PXDNL: variants seen among roughly 807,000 people sequenced by gnomAD.
PXDNL encodes the protein peroxidasin like.
A neutral mutation model predicts 150.8 loss-of-function variants in PXDNL; 145 were observed. That is an observed-to-expected ratio of 0.96 (90% confidence interval 0.84 to 1.10). PXDNL has a LOEUF of 1.10. Ranked by LOEUF, PXDNL falls within the 50% of genes least tolerant of loss-of-function variation. The pLI is 0.00. For missense variants in PXDNL, 2,087 were observed against 1,873.9 expected, an observed-to-expected ratio of 1.11 and a Z score of -2.10; for synonymous variants, 757 against 725.7, an observed-to-expected ratio of 1.04 and a Z score of -0.69.
intron 5 of PXDNL, among the ~76,000 whole-genome samples, chr8:51,491,596 C>A (rs551844634): frequency 6.6e-6 from 1 of 152,214 alleles, no homozygotes. Flanking sequence ...GCAAACCCCA[C>A]CACCACTGCC....
chr8:51,349,136 G>A (rs1252878315), intron 19 of PXDNL, among the ~76,000 whole-genome samples: 1 of 148,788 alleles, frequency 6.7e-6, no homozygotes, highest in African/African-American at 2.5e-5. Context: ...CAGATAACTC[G>A]TGTTCAAGAG....
In PXDNL at chr8:51,319,659, T is replaced by C. The variant is rs1239347529; in HGVS notation, c.*232A>G. The C allele has an allele frequency of 3.5e-6, 1 of 285,784 alleles. No homozygotes were observed. The allele number at this position is 285,784 out of a possible 1,614,324, so 17.7% of individuals were successfully genotyped here. A position where few individuals can be genotyped will look rare whatever the true frequency, so the allele number is the denominator to read the frequency against. ...ACAGCTTACAGTAAGAAATATTTCT[T>C]ATGATCAAACACTTCATATGCACTT... On this transcript the variant is annotated 3_prime_UTR_variant, in exon 23 of 23. Coordinates refer to ENST00000356297, the MANE Select transcript of PXDNL (RefSeq NM_144651.5).
chr8:51,806,039 C>T (rs1051794765), intron 1 of PXDNL, among the ~76,000 whole-genome samples: 5 of 152,162 alleles, frequency 3.3e-5, no homozygotes, highest in African/African-American at 1.2e-4. Context: ...TCAATGGCAG[C>T]AGGCTTTTTG....
chr8:51,600,547 A>C (rs1813686062), intron 2 of PXDNL, among the ~76,000 whole-genome samples: 1 of 134,364 alleles, frequency 7.4e-6, no homozygotes, highest in Admixed American at 7.7e-5. Context: ...AATAAATTAT[A>C]TCTTATATAA....
chr8:51,781,448 G>A (rs1563319707), intron 1 of PXDNL, among the ~76,000 whole-genome samples: 1 of 152,172 alleles, frequency 6.6e-6, no homozygotes, highest in Non-Finnish European at 1.5e-5. Flanking sequence ...CATCAGCTGG[G>A]ACTTCACAAT....
chr8:51,523,450 T>C (rs776522758), intron 4 of PXDNL, among the ~76,000 whole-genome samples: 2 of 152,226 alleles, frequency 1.3e-5, no homozygotes, highest in Non-Finnish European at 2.9e-5. Flanking sequence ...GAATTCTAAT[T>C]GTGTTCTGCT....
intron 20 of PXDNL, among the ~76,000 whole-genome samples, chr8:51,342,567 A>G (rs1453093006): frequency 6.6e-6 from 1 of 152,196 alleles, no homozygotes. Context: ...AAAATCCACG[A>G]TAGTCTCAAA....
At position 51,423,699 on chromosome 8, in the gene PXDNL, G is replaced by A; in HGVS notation, c.1671C>T (p.Phe557=). ...EGVQITESGK[F]HVDDEGTLTI... ...TCAGCGTGCCTTCATCATCCACATG[G>A]AATTTACCACTCTCAGTAATCTGCA... is the stretch of plus-strand genomic sequence containing the variant. The change falls in exon 14 of 23, where the codon TTC becomes TTT. Residue 557 remains phenylalanine (F), a synonymous_variant. Transcript: ENST00000356297. 1 of 1,613,678 alleles carries A rather than the reference G, an allele frequency of 6.2e-7. No individual in the cohort carries two copies. Among genetic ancestry groups the A allele is most frequent in the South Asian group, 1.1e-5 (1 of 91,062 alleles).
chr8:51,602,659 A>G (rs1365505508), intron 2 of PXDNL, among the ~76,000 whole-genome samples: 1 of 151,752 alleles, frequency 6.6e-6, no homozygotes, highest in Non-Finnish European at 1.5e-5. Context: ...GTTTCTTTTG[A>G]TGGACATTAA....
In PXDNL at chr8:51,737,206, T is replaced by G. The variant is rs1435388010; in HGVS notation, c.164+71975A>C. Among the ~76,000 whole-genome samples the G allele has an allele frequency of 2.0e-5, 3 of 152,274 alleles. No homozygotes were observed. In the East Asian group the frequency reaches 5.8e-4, roughly 29 times the overall value. Reference sequence around the variant, plus strand: ...CTCTCATTTGAAAAAGAAATGCAAATAAAAGATAAAACTCTGTTTTTCTGC... The same window carrying G: ...CTCTCATTTGAAAAAGAAATGCAAAGAAAAGATAAAACTCTGTTTTTCTGC... On this transcript the variant is annotated intron_variant, in intron 1 of 22. Transcript: ENST00000356297.
chr8:51,564,173 G>A (rs941421968), intron 3 of PXDNL, among the ~76,000 whole-genome samples: 12 of 151,792 alleles, frequency 7.9e-5, no homozygotes, highest in Non-Finnish European at 1.5e-4. Context: ...CTTTGAAGAC[G>A]CAGCTGCTTC....
chr8:51,545,348 T>C (rs568930613), intron 4 of PXDNL, among the ~76,000 whole-genome samples: 1 of 152,340 alleles, frequency 6.6e-6, no homozygotes, highest in East Asian at 1.9e-4. Context: ...AATGTGATGA[T>C]TCAGCAATAT....
chr8:51,662,993 G>C (rs916584079), intron 1 of PXDNL, among the ~76,000 whole-genome samples: 1 of 152,148 alleles, frequency 6.6e-6, no homozygotes, highest in Non-Finnish European at 1.5e-5. Context: ...CCCAGCCTTT[G>C]GCTTTACCTA....
At chr8:51,780,654 C>CTTTTTTTTTTTTTTTTTT (rs71237240) in intron 1 of PXDNL, among the ~76,000 whole-genome samples, 1 of 75,186 alleles carries the variant, frequency 1.3e-5, no homozygotes, top group Non-Finnish European at 2.7e-5. Context: ...CTTTTCTTTT[C>CTTTTTTTTTTTTTTTTTT]TTTTTTTTTT....
intron 4 of PXDNL, among the ~76,000 whole-genome samples, chr8:51,510,822 A>G (rs1277205579): frequency 1.3e-5 from 2 of 152,174 alleles, no homozygotes; most frequent in African/African-American, 4.8e-5. Flanking sequence ...ACAGGAAAAA[A>G]CATTATTGTG....
At position 51,595,552 on chromosome 8, in the gene PXDNL, T is replaced by C. The variant is rs115487085; in HGVS notation, c.237-2854A>G. On this transcript the variant is annotated intron_variant, in intron 2 of 22. Transcript: ENST00000356297. ...CATGTTGGTCTGTTCCTGCTTGTTATGGTTATGCTTATTTTCATTTGGATA... is the reference window on the plus strand; with the variant it reads ...CATGTTGGTCTGTTCCTGCTTGTTACGGTTATGCTTATTTTCATTTGGATA... Among the ~76,000 whole-genome samples, 497 of 152,282 alleles carry C rather than the reference T, an allele frequency of 3.3e-3. 2 individuals carry two copies. The highest frequency in any genetic ancestry group is 0.011 in the African/African-American group (477 of 41,556).
At chr8:51,565,518 A>C (rs1019246391) in intron 3 of PXDNL, among the ~76,000 whole-genome samples, 8 of 151,566 alleles carry the variant, frequency 5.3e-5, no homozygotes, top group Non-Finnish European at 8.8e-5. Context: ...CTGTAATAAT[A>C]ATATGTCGTT....
intron 17 of PXDNL, among the ~76,000 whole-genome samples, chr8:51,390,926 T>C (rs988838210): frequency 6.6e-5 from 10 of 151,936 alleles, no homozygotes; most frequent in African/African-American, 2.2e-4. Context: ...CCCCAGAGTG[T>C]GATGTTCCCC....
chr8:51,399,644 C>T (rs1250827646), intron 17 of PXDNL, among the ~76,000 whole-genome samples: 2 of 152,168 alleles, frequency 1.3e-5, no homozygotes, highest in African/African-American at 4.8e-5. Context: ...TTTGTCTTCA[C>T]TGGGGTAATG....
Sources: gnomAD v4.1 joint callset for allele counts (sites outside exome capture counted in the v4.1 genomes callset) on GRCh38, gnomAD v4.1.1 for gene constraint, MANE v1.5 for transcripts, NCBI Gene and HGNC (gene_info 2026-07-23, HGNC 2026-07-21) for gene names.